The following OR2L13 variants were observed in gnomAD, a reference collection of about 807,000 sequenced individuals.
OR2L13 encodes olfactory receptor 2L13.
Under a neutral mutation model 15.3 loss-of-function variants are expected in OR2L13, and 14 were observed. The ratio of observed to expected loss-of-function variants is 0.91; its 90% CI spans 0.60 to 1.43. OR2L13 has a LOEUF of 1.43. Ranked by LOEUF, OR2L13 falls within the 40% of genes most tolerant of loss-of-function variation. The pLI is 0.00. For synonymous variants in OR2L13, 152 were observed against 142.9 expected (o/e 1.06, Z -0.45); for missense variants, 367 against 387.9 (o/e 0.95, Z 0.45).
the OR2L13 span, among the ~76,000 whole-genome samples, chr1:247,985,665 G>C: frequency 6.6e-6 from 1 of 152,066 alleles, no homozygotes; most frequent in Admixed American, 6.5e-5. Context: ...TCTAGTTCTA[G>C]ACCCCTGAGG....
At chr1:248,003,195 T>C in the OR2L13 span, 1 of 1,482,800 alleles carries the variant, frequency 6.7e-7, no homozygotes, top group Non-Finnish European at 9.4e-7. Context: ...CCATCAAGAA[T>C]TGGCCTTTTC....
At chr1:247,938,420 C>T in the OR2L13 span, among the ~76,000 whole-genome samples, 7 of 151,794 alleles carry the variant, frequency 4.6e-5, no homozygotes, top group Admixed American at 3.9e-4. Flanking sequence ...AGTAAAAATC[C>T]GAATAGCAAG....
chr1:248,003,709 C>A, the OR2L13 span: 1 of 1,613,372 alleles, frequency 6.2e-7, no homozygotes, highest in East Asian at 2.2e-5. Flanking sequence ...ACACCTGGGT[C>A]TATGAGGGCA....
upstream of OR2L13, among the ~76,000 whole-genome samples, chr1:248,092,777 A>G (rs1008465653): frequency 6.6e-6 from 1 of 152,088 alleles, no homozygotes; most frequent in Non-Finnish European, 1.5e-5. Flanking sequence ...AATTGATCGC[A>G]CCTACTGAAA....
the OR2L13 span, among the ~76,000 whole-genome samples, chr1:248,020,073 G>A: frequency 0.017 from 2,612 of 152,158 alleles, 80 homozygotes; most frequent in African/African-American, 0.059. Flanking sequence ...GTGAACAAAC[G>A]CACCTGACCT....
chr1:247,967,680 C>A, the OR2L13 span, among the ~76,000 whole-genome samples: 1 of 151,474 alleles, frequency 6.6e-6, no homozygotes, highest in Non-Finnish European at 1.5e-5. Context: ...TCTATTTTTT[C>A]TTTTTCCTCC....
At chr1:247,990,664 A>T in the OR2L13 span, 2 of 1,527,310 alleles carry the variant, frequency 1.3e-6, no homozygotes, top group South Asian at 1.1e-5. Context: ...CCACTATCCC[A>T]TCCGTATGAG....
the OR2L13 span, among the ~76,000 whole-genome samples, chr1:248,086,691 T>C: frequency 6.6e-6 from 1 of 152,004 alleles, no homozygotes; most frequent in African/African-American, 2.4e-5. Context: ...CAGCAAATTA[T>C]AAGAATGTGA....
chr1:247,961,285 G>A, the OR2L13 span, among the ~76,000 whole-genome samples: 1 of 152,112 alleles, frequency 6.6e-6, no homozygotes, highest in Non-Finnish European at 1.5e-5. Context: ...GAACTGTCAG[G>A]TCAAGTAACC....
the OR2L13 span, chr1:248,083,962 T>C: frequency 6.2e-7 from 1 of 1,611,442 alleles, no homozygotes. Context: ...GAGGACAGGA[T>C]GAGGGAAAAG....
the OR2L13 span, among the ~76,000 whole-genome samples, chr1:248,009,368 A>G: frequency 6.6e-6 from 1 of 152,198 alleles, no homozygotes. Context: ...AGAAACACCG[A>G]CTATCATCAG....
chr1:248,002,564 A>G, the OR2L13 span, among the ~76,000 whole-genome samples: 2 of 152,178 alleles, frequency 1.3e-5, no homozygotes, highest in Non-Finnish European at 2.9e-5. Context: ...TTCGCTTTTA[A>G]AAACTGTATA....
chr1:247,942,434 T>C, the OR2L13 span, among the ~76,000 whole-genome samples: 1 of 152,150 alleles, frequency 6.6e-6, no homozygotes, highest in African/African-American at 2.4e-5. Context: ...CGAGCTTGTC[T>C]GAGAAACTGA....
the OR2L13 span, chr1:248,038,265 C>G: frequency 5.0e-6 from 8 of 1,591,916 alleles, no homozygotes; most frequent in Admixed American, 8.4e-5. Flanking sequence ...GTAGGAATTC[C>G]CCATGGAAAA....
the OR2L13 span, among the ~76,000 whole-genome samples, chr1:248,000,839 GTT>G: frequency 6.6e-6 from 1 of 152,034 alleles, no homozygotes; most frequent in African/African-American, 2.4e-5. Context: ...AATGAGTAAA[GTT>G]TAATTATTAA....
the OR2L13 span, among the ~76,000 whole-genome samples, chr1:247,977,629 A>G: frequency 5.3e-5 from 8 of 152,222 alleles, no homozygotes; most frequent in African/African-American, 1.9e-4. Context: ...ACTAAGCATG[A>G]ACCAGCTCGC....
the OR2L13 span, among the ~76,000 whole-genome samples, chr1:247,979,732 C>T: frequency 3.3e-5 from 5 of 152,072 alleles, no homozygotes; most frequent in Admixed American, 6.6e-5. Flanking sequence ...CACTTGTCTT[C>T]TCTGTTGGTC....
chr1:247,939,192 A>G, the OR2L13 span: 1 of 152,202 alleles, frequency 6.6e-6, no homozygotes, highest in Non-Finnish European at 1.5e-5. Context: ...ATTGAAACTT[A>G]TTTTAGGAAA....
chr1:248,016,037 T>C, the OR2L13 span, among the ~76,000 whole-genome samples: 1 of 152,212 alleles, frequency 6.6e-6, no homozygotes, highest in African/African-American at 2.4e-5. Context: ...ATCCTGTGAT[T>C]CAGCTATTCT....
Sources: allele counts gnomAD v4.1 joint callset (sites outside exome capture counted in the v4.1 genomes callset), GRCh38; gene constraint gnomAD v4.1.1; transcripts MANE v1.5; gene names NCBI Gene and HGNC (gene_info 2026-07-23, HGNC 2026-07-21).